The following TCAF1 variants were observed in gnomAD, a reference collection of about 807,000 sequenced individuals.
TCAF1 encodes the protein TRPM8 channel associated factor 1.
In TCAF1, 4 loss-of-function variants were observed where a neutral mutation model predicts 27.3. That is an observed-to-expected ratio of 0.15 (90% CI 0.07 to 0.34). The LOEUF is 0.34. Ranked by LOEUF, TCAF1 falls within the 10% of genes least tolerant of loss-of-function variation. TCAF1 has a pLI of 1.00. For missense variants in TCAF1, 257 were observed against 425.8 expected (o/e 0.60, Z 3.49); for synonymous variants, 105 against 167.1 (o/e 0.63, Z 2.87).
intron 1 of TCAF1, among the ~76,000 whole-genome samples, chr7:143,890,271 G>A (rs1345871616): frequency 6.7e-6 from 1 of 149,756 alleles, no homozygotes; most frequent in Non-Finnish European, 1.5e-5. Flanking sequence ...CAAAGTGCTG[G>A]GAGAAGGGCA....
intron 1 of TCAF1, among the ~76,000 whole-genome samples, chr7:143,891,111 GC>G (rs2116851205): frequency 6.6e-6 from 1 of 152,272 alleles, no homozygotes; most frequent in East Asian, 1.9e-4. Context: ...TCCTAACAAA[GC>G]CTAAAACTAA....
chr7:143,892,524 C>T (rs1033837262), intron 1 of TCAF1, among the ~76,000 whole-genome samples: 2 of 149,632 alleles, frequency 1.3e-5, no homozygotes, highest in South Asian at 2.1e-4. Flanking sequence ...TAGACTTTAA[C>T]CCAATTTTTT....
Position 143,883,496 on chromosome 7 carries a change from TTTTC to T in TCAF1, c.-14-6878_-14-6875del, listed in dbSNP as rs1437923879. ...TTCAAATCGCATTTCTTTCTTTCCT[TTTTC>T]TTTTTTTTTTTTTTTTTTTTTTTGA... On this transcript the variant is annotated intron_variant, in intron 1 of 8. Coordinates refer to ENST00000479870, the MANE Select transcript of TCAF1 (RefSeq NM_014719.3). Among the ~76,000 whole-genome samples the T allele has an allele frequency of 5.6e-3, 660 of 118,114 alleles. 7 individuals carry two copies. Among genetic ancestry groups the T allele is most frequent in the African/African-American group, 0.024 (618 of 25,444 alleles). The allele number at this position is 118,114 out of a possible 152,430, so 77.5% of individuals were successfully genotyped here.
At chr7:143,879,208 G>T (rs983624944) in intron 1 of TCAF1, among the ~76,000 whole-genome samples, 2 of 152,168 alleles carry the variant, frequency 1.3e-5, no homozygotes, top group African/African-American at 4.8e-5. Context: ...TCTAAGAGAA[G>T]ATATGGCACA....
intron 1 of TCAF1, among the ~76,000 whole-genome samples, chr7:143,898,200 T>A (rs1284040305): frequency 6.6e-6 from 1 of 152,138 alleles, no homozygotes; most frequent in African/African-American, 2.4e-5. Context: ...AATTTTCTTA[T>A]GATGGGGAAG....
intron 1 of TCAF1, among the ~76,000 whole-genome samples, chr7:143,880,676 G>T (rs1298574444): frequency 6.6e-6 from 1 of 152,138 alleles, no homozygotes; most frequent in Non-Finnish European, 1.5e-5. Flanking sequence ...TGGCTCACTG[G>T]ACCTAAAAGG....
intron 1 of TCAF1, among the ~76,000 whole-genome samples, chr7:143,892,612 C>T (rs756877798): frequency 1.3e-5 from 2 of 150,296 alleles, no homozygotes; most frequent in Non-Finnish European, 3.0e-5. Context: ...ACTGCTGCCT[C>T]GGCTCACTGC....
chr7:143,879,598 T>C (rs1812906929), intron 1 of TCAF1, among the ~76,000 whole-genome samples: 1 of 152,206 alleles, frequency 6.6e-6, no homozygotes, highest in African/African-American at 2.4e-5. Flanking sequence ...AGAAGGGCAG[T>C]ATCAAAGATA....
rs1158337000 is a variant in TCAF1 at position 143,895,740 on chromosome 7, T to G, written c.-15+6221A>C. 2.6e-5 allele frequency among the ~76,000 whole-genome samples: 4 copies of G among 151,510 alleles called. No homozygotes were observed. The South Asian group carries it at 6.2e-4, about 24-fold the overall frequency. On this transcript the variant is annotated intron_variant, in intron 1 of 8. Coordinates refer to ENST00000479870, the MANE Select transcript of TCAF1 (RefSeq NM_014719.3). ...CAATAATCATTTGATACTTGCGGGGTAAGAGACAAGGTACTAAGGATCAAT... is the reference window on the plus strand; with the variant it reads ...CAATAATCATTTGATACTTGCGGGGGAAGAGACAAGGTACTAAGGATCAAT...
At chr7:143,884,871 G>T (rs778388063) in intron 1 of TCAF1, 13 of 394,946 alleles carry the variant, frequency 3.3e-5, no homozygotes, top group Non-Finnish European at 1.4e-5. Context: ...AATAAAATAT[G>T]TTGCTGGTTA....
At chr7:143,867,174 T>TAAA (rs1214005881) in intron 2 of TCAF1, among the ~76,000 whole-genome samples, 178 of 68,168 alleles carry the variant, frequency 2.6e-3, no homozygotes, top group Middle Eastern at 5.1e-3. Context: ...TATTTTGGCT[T>TAAA]AAAAAAAAAA....
intron 1 of TCAF1, among the ~76,000 whole-genome samples, chr7:143,886,863 TG>T (rs1249579680): frequency 7.4e-6 from 1 of 135,656 alleles, no homozygotes; most frequent in East Asian, 2.1e-4. Flanking sequence ...AGGGAGTTTT[TG>T]TATTTTTTTT....
intron 1 of TCAF1, among the ~76,000 whole-genome samples, chr7:143,886,793 G>A (rs773205260): frequency 7.3e-5 from 10 of 137,528 alleles, no homozygotes; most frequent in Non-Finnish European, 1.2e-4. Flanking sequence ...GGGCTCAATC[G>A]ATCCGCCCAC....
intron 1 of TCAF1, chr7:143,885,430 G>A (rs1380065938): frequency 1.1e-4 from 111 of 985,292 alleles, no homozygotes; most frequent in Non-Finnish European, 1.3e-4. Flanking sequence ...GAGCTTGGCC[G>A]CCGCCCCCGG....
At chr7:143,881,614 A>T (rs1258666828) in intron 1 of TCAF1, among the ~76,000 whole-genome samples, 2 of 152,176 alleles carry the variant, frequency 1.3e-5, no homozygotes, top group Non-Finnish European at 2.9e-5. Context: ...AATCTGAAAA[A>T]TTAAACAAAC....
At chr7:143,877,519 A>G (rs1287568868) in intron 1 of TCAF1, among the ~76,000 whole-genome samples, 1 of 152,222 alleles carries the variant, frequency 6.6e-6, no homozygotes, top group African/African-American at 2.4e-5. Flanking sequence ...AGAAGGTAAC[A>G]AGATATGCAA....
intron 1 of TCAF1, among the ~76,000 whole-genome samples, chr7:143,881,329 C>T (rs1813008585): frequency 1.3e-5 from 2 of 152,192 alleles, no homozygotes; most frequent in Admixed American, 1.3e-4. Context: ...TTTTCAGCAA[C>T]TAGCTAGCCT....
Position 143,876,210 on chromosome 7 carries a change from G to A in TCAF1, c.399C>T (p.Thr133=), listed in dbSNP as rs746683154. The A allele has an allele frequency of 3.7e-6, 6 of 1,614,196 alleles. No individual in the cohort carries two copies. Among genetic ancestry groups the A allele is most frequent in the Non-Finnish European group, 5.1e-6 (6 of 1,180,032 alleles). The part of the protein sequence containing the change: ...GVYCIDAYNE[T]MTEKLVKFMK... Reference sequence around the variant, plus strand: ...TGAACTTGACCAGCTTTTCTGTCATGGTTTCATTGTAGGCATCAATACAGT... The same window carrying A: ...TGAACTTGACCAGCTTTTCTGTCATAGTTTCATTGTAGGCATCAATACAGT... Residue 133 remains threonine, a synonymous_variant, in exon 2 of 9, where the codon ACC becomes ACT. Transcript: ENST00000479870.
intron 1 of TCAF1, among the ~76,000 whole-genome samples, chr7:143,891,268 T>TA (rs1360484921): frequency 1.3e-5 from 2 of 152,040 alleles, no homozygotes; most frequent in East Asian, 1.9e-4. Context: ...GGAAAGCAGT[T>TA]AAAAAAACAG....
Sources: allele counts gnomAD v4.1 joint callset (sites outside exome capture counted in the v4.1 genomes callset), GRCh38; gene constraint gnomAD v4.1.1; transcripts MANE v1.5; gene names NCBI Gene and HGNC (gene_info 2026-07-23, HGNC 2026-07-21).